Variants in C3orf49 observed in about 807,000 individuals in gnomAD.
C3orf49 encodes the protein putative uncharacterized protein C3orf49.
Under a neutral mutation model 13.3 loss-of-function variants are expected in C3orf49, and 27 were observed. That is an observed-to-expected ratio of 2.02 (90% CI 1.49 to 2.79). The LOEUF is 2.79. Among genes scored for constraint, C3orf49 ranks in the 30% most tolerant of loss-of-function variants. C3orf49 has a pLI of 0.00. For synonymous variants in C3orf49, 87 were observed against 47.6 expected (o/e 1.83, Z -3.40); for missense variants, 242 against 134.2 (o/e 1.80, Z -3.97).
the C3orf49 span, among the ~76,000 whole-genome samples, chr3:63,790,901 T>A: frequency 6.6e-6 from 1 of 152,106 alleles, no homozygotes; most frequent in South Asian, 2.1e-4. Context: ...CAAACAAAAG[T>A]GTGATTGCAA....
At chr3:63,844,632 G>A (rs1701847543) in intron 5 of C3orf49, among the ~76,000 whole-genome samples, 1 of 152,176 alleles carries the variant, frequency 6.6e-6, no homozygotes, top group East Asian at 1.9e-4. Context: ...AGCTATTGTG[G>A]AAATAGGTTA....
chr3:63,830,302 G>C (rs1030006393), intron 3 of C3orf49, among the ~76,000 whole-genome samples: 1 of 152,116 alleles, frequency 6.6e-6, no homozygotes, highest in Non-Finnish European at 1.5e-5. Context: ...TTATGAAAGA[G>C]AAAAAAGAGG....
the C3orf49 span, among the ~76,000 whole-genome samples, chr3:63,790,969 T>C: frequency 6.6e-6 from 1 of 152,220 alleles, no homozygotes; most frequent in African/African-American, 2.4e-5. Flanking sequence ...GTACACGTTA[T>C]GCCTCAGAGT....
At chr3:63,811,196 T>C in the C3orf49 span, among the ~76,000 whole-genome samples, 12,677 of 152,250 alleles carry the variant, frequency 0.083, 1,226 homozygotes, top group African/African-American at 0.23. Context: ...ATGCATTTCC[T>C]GTTAAAATAG....
the C3orf49 span, among the ~76,000 whole-genome samples, chr3:63,801,194 G>C: frequency 4.6e-5 from 7 of 152,106 alleles, no homozygotes; most frequent in African/African-American, 1.7e-4. Flanking sequence ...AATCAATGGG[G>C]AAACTGAAGC....
At chr3:63,791,034 G>T in the C3orf49 span, among the ~76,000 whole-genome samples, 4 of 152,114 alleles carry the variant, frequency 2.6e-5, no homozygotes, top group Non-Finnish European at 5.9e-5. Flanking sequence ...GTGGTTAAGG[G>T]TTACTCCAGG....
intron 3 of C3orf49, among the ~76,000 whole-genome samples, chr3:63,828,313 GTTTT>G (rs1701492282): frequency 1.3e-5 from 2 of 152,052 alleles, no homozygotes; most frequent in Non-Finnish European, 2.9e-5. Context: ...GTGTTTGTTT[GTTTT>G]GAGACAGAGT....
At chr3:63,829,430 G>T (rs934021806) in intron 3 of C3orf49, among the ~76,000 whole-genome samples, 1 of 152,140 alleles carries the variant, frequency 6.6e-6, no homozygotes. Flanking sequence ...TTTCTGTTCA[G>T]TTATAGATTT....
the C3orf49 span, among the ~76,000 whole-genome samples, chr3:63,796,463 T>C: frequency 6.6e-6 from 1 of 152,178 alleles, no homozygotes. Flanking sequence ...GTCTTCTTTC[T>C]AATTCTCCCA....
intron 1 of C3orf49, among the ~76,000 whole-genome samples, chr3:63,821,491 T>C (rs1002396013): frequency 5.3e-5 from 8 of 152,148 alleles, no homozygotes; most frequent in Non-Finnish European, 4.4e-5. Flanking sequence ...ATACAAAACC[T>C]ATAGATAAAT....
At chr3:63,797,274 G>A in the C3orf49 span, among the ~76,000 whole-genome samples, 2 of 152,046 alleles carry the variant, frequency 1.3e-5, no homozygotes, top group African/African-American at 4.8e-5. Flanking sequence ...AGGGGTATGT[G>A]TGTGTATGCA....
At chr3:63,802,777 A>C in the C3orf49 span, among the ~76,000 whole-genome samples, 1 of 152,126 alleles carries the variant, frequency 6.6e-6, no homozygotes, top group African/African-American at 2.4e-5. Context: ...AAATTACCCA[A>C]GGTCATGTTT....
intron 5 of C3orf49, chr3:63,832,954 T>C (rs1233361799): frequency 6.6e-6 from 1 of 152,184 alleles, no homozygotes; most frequent in Non-Finnish European, 1.5e-5. Flanking sequence ...TCATGCAAAG[T>C]GTCATGTTTC....
the C3orf49 span, among the ~76,000 whole-genome samples, chr3:63,788,072 A>G: frequency 6.6e-5 from 10 of 152,368 alleles, no homozygotes; most frequent in East Asian, 1.9e-3. Context: ...CTTCAAGAGC[A>G]GGGACATAGA....
At chr3:63,792,758 C>A in the C3orf49 span, among the ~76,000 whole-genome samples, 1 of 152,170 alleles carries the variant, frequency 6.6e-6, no homozygotes, top group Admixed American at 6.5e-5. Flanking sequence ...GACAACCATT[C>A]CCTTGCTATG....
At chr3:63,836,245 T>A (rs1437956704) in intron 5 of C3orf49, 2 of 1,543,022 alleles carry the variant, frequency 1.3e-6, no homozygotes, top group African/African-American at 2.8e-5. Context: ...CTACGGTAGT[T>A]TTCGAGCATT....
chr3:63,812,207 T>C, the C3orf49 span, among the ~76,000 whole-genome samples: 1 of 152,186 alleles, frequency 6.6e-6, no homozygotes, highest in African/African-American at 2.4e-5. Flanking sequence ...TTGGCTTCCC[T>C]GAGCCACAAT....
At chr3:63,843,000 C>A (rs566436442) in intron 5 of C3orf49, among the ~76,000 whole-genome samples, 37 of 152,044 alleles carry the variant, frequency 2.4e-4, no homozygotes, top group African/African-American at 7.7e-4. Flanking sequence ...GCTGCCCAGG[C>A]TGGTCTCAAA....
At chr3:63,837,983 AT>A (rs759421233) in intron 5 of C3orf49, 7 of 1,606,980 alleles carry the variant, frequency 4.4e-6, no homozygotes, top group Non-Finnish European at 5.9e-6. Context: ...TACCTTGGCG[AT>A]TTTTTCGTAT....
Sources: allele counts gnomAD v4.1 joint callset (sites outside exome capture counted in the v4.1 genomes callset), GRCh38; gene constraint gnomAD v4.1.1; transcripts MANE v1.5; gene names NCBI Gene and HGNC (gene_info 2026-07-23, HGNC 2026-07-21).